The following CDH18 variants were observed in gnomAD, a reference collection of about 807,000 sequenced individuals.
CDH18 encodes cadherin-18.
In CDH18, 31 loss-of-function variants were observed where a neutral mutation model predicts 67.9. The ratio of observed to expected loss-of-function variants is 0.46; its 90% confidence interval spans 0.34 to 0.62. The LOEUF (loss-of-function observed/expected upper bound fraction) is 0.62. Ranked by LOEUF, CDH18 falls within the 20% of genes least tolerant of loss-of-function variation. The pLI is 0.01. For synonymous variants in CDH18, 362 were observed against 347.2 expected, an observed-to-expected ratio of 1.04 and a Z score of -0.48; for missense variants, 890 against 975.5, an observed-to-expected ratio of 0.91 and a Z score of 1.17.
intron 2 of CDH18, among the ~76,000 whole-genome samples, chr5:19,911,205 G>A (rs1227601685): frequency 2.0e-5 from 3 of 152,140 alleles, no homozygotes; most frequent in African/African-American, 7.2e-5. Context: ...CCTGAACAGT[G>A]AGAAGCCATA....
upstream of CDH18, among the ~76,000 whole-genome samples, chr5:19,989,412 T>G (rs551510703): frequency 9.6e-4 from 146 of 152,286 alleles, no homozygotes; most frequent in Middle Eastern, 0.014. Context: ...CAAGAAGACG[T>G]GGATTCAAAT....
At chr5:20,144,517 T>C (rs934159878) in intron 2 of CDH18, among the ~76,000 whole-genome samples, 1 of 152,204 alleles carries the variant, frequency 6.6e-6, no homozygotes, top group Non-Finnish European at 1.5e-5. Flanking sequence ...TGCTTCAGGA[T>C]AAGTCAGAGC....
In CDH18 at chr5:19,995,621, A is replaced by G. The variant is rs1735944980; in HGVS notation, c.-517-3607T>C. On this transcript the variant is annotated intron_variant, in intron 2 of 14. Coordinates refer to the CDH18 transcript ENST00000507958. ...AAGCTTTAAAAAAAAAAAAAAAAAA[A>G]AACTTTAAGCATGCCAAAAGGTCTA... 5.3e-5 allele frequency among the ~76,000 whole-genome samples: 8 copies of G among 150,684 alleles called. No homozygotes were observed. The South Asian group carries it at 1.7e-3, about 31-fold the overall frequency.
chr5:20,031,686 G>A (rs112139649), intron 2 of CDH18, among the ~76,000 whole-genome samples: 4 of 152,010 alleles, frequency 2.6e-5, no homozygotes, highest in Admixed American at 6.6e-5. Flanking sequence ...CAGCAACTCC[G>A]GAGAATCTTC....
At chr5:19,820,930 AT>A (rs1779806500) in intron 3 of CDH18, among the ~76,000 whole-genome samples, 1 of 152,204 alleles carries the variant, frequency 6.6e-6, no homozygotes, top group South Asian at 2.1e-4. Context: ...AGGAAAAAAA[AT>A]AAAAATAAAA....
Position 19,677,761 on chromosome 5 carries a change from A to G in CDH18, c.643+43586T>C, listed in dbSNP as rs532362675. Among the ~76,000 whole-genome samples the G allele has an allele frequency of 3.9e-5, 6 of 152,018 alleles. No individual in the cohort carries two copies. In the South Asian group the frequency reaches 1.2e-3, roughly 31 times the overall value. ...AAACAGAAGGCAGGTGTTAGCAAAGATATTTGAGACCTAATTACTCATATT... is the reference window on the plus strand; with the variant it reads ...AAACAGAAGGCAGGTGTTAGCAAAGGTATTTGAGACCTAATTACTCATATT... On this transcript the variant is annotated intron_variant, in intron 5 of 12. Transcript: ENST00000382275.
chr5:19,481,615 CA>C (rs1401546871), intron 12 of CDH18, among the ~76,000 whole-genome samples: 1 of 152,236 alleles, frequency 6.6e-6, no homozygotes, highest in African/African-American at 2.4e-5. Flanking sequence ...ACTCCTAAAA[CA>C]AAACTCACCA....
intron 2 of CDH18, among the ~76,000 whole-genome samples, chr5:19,853,950 C>T (rs1375944277): frequency 1.3e-5 from 2 of 152,088 alleles, no homozygotes; most frequent in Admixed American, 6.6e-5. Flanking sequence ...AAAACCACTT[C>T]ATAAAAACGG....
At chr5:20,419,470 T>G (rs1460081606) in intron 1 of CDH18, among the ~76,000 whole-genome samples, 1 of 62,816 alleles carries the variant, frequency 1.6e-5, no homozygotes, top group Non-Finnish European at 2.9e-5. Flanking sequence ...CTGTTTTTTT[T>G]TTTTTTTTTT....
intron 2 of CDH18, among the ~76,000 whole-genome samples, chr5:19,931,981 C>T (rs1793745585): frequency 6.6e-6 from 1 of 151,768 alleles, no homozygotes; most frequent in Non-Finnish European, 1.5e-5. Flanking sequence ...AAAGATCACT[C>T]CAACTCCTCA....
At chr5:19,994,736 TATAGAGAGAGAGAGAG>T (rs1359862750) in intron 2 of CDH18, among the ~76,000 whole-genome samples, 60 of 8,930 alleles carry the variant, frequency 6.7e-3, no homozygotes, top group Admixed American at 9.9e-3. Flanking sequence ...TATATATATA[TATAGAGAGAGAGAGAG>T]AGAGAGAGAG....
chr5:20,119,121 T>C (rs1015104762), intron 2 of CDH18, among the ~76,000 whole-genome samples: 5 of 152,164 alleles, frequency 3.3e-5, no homozygotes, highest in South Asian at 2.1e-4. Context: ...TCTACTTTTG[T>C]AGATTTTCTG....
chr5:20,417,695 T>C (rs1479627603), intron 1 of CDH18, among the ~76,000 whole-genome samples: 1 of 152,146 alleles, frequency 6.6e-6, no homozygotes, highest in African/African-American at 2.4e-5. Context: ...ACTGCTTCCT[T>C]TACTCTTCCA....
At chr5:19,801,221 G>T (rs1278557803) in intron 3 of CDH18, among the ~76,000 whole-genome samples, 1 of 152,088 alleles carries the variant, frequency 6.6e-6, no homozygotes, top group African/African-American at 2.4e-5. Context: ...TTTTTTAAAA[G>T]AATATTTTCA....
intron 3 of CDH18, among the ~76,000 whole-genome samples, chr5:19,833,057 T>C (rs1781235269): frequency 6.6e-6 from 1 of 152,164 alleles, no homozygotes; most frequent in Non-Finnish European, 1.5e-5. Flanking sequence ...TCTAATTTTG[T>C]GAAGAATGTC....
chr5:20,129,327 C>T (rs1435984), intron 2 of CDH18, among the ~76,000 whole-genome samples: 117,367 of 151,934 alleles, frequency 0.77, 48,975 homozygotes, highest in Non-Finnish European at 0.92. Flanking sequence ...CTAATTTCTG[C>T]CCCTAGGTTA....
intron 2 of CDH18, among the ~76,000 whole-genome samples, chr5:19,942,887 G>A (rs1487682887): frequency 6.6e-6 from 1 of 152,128 alleles, no homozygotes; most frequent in East Asian, 1.9e-4. Flanking sequence ...CACTGTTAGG[G>A]CTTAATTACT....
intron 2 of CDH18, among the ~76,000 whole-genome samples, chr5:19,939,865 C>T (rs1794649025): frequency 6.6e-6 from 1 of 151,868 alleles, no homozygotes; most frequent in African/African-American, 2.4e-5. Context: ...GGAGACTTTA[C>T]TTAATTTAAA....
intron 1 of CDH18, among the ~76,000 whole-genome samples, chr5:20,349,415 A>G (rs1740978534): frequency 6.6e-6 from 1 of 152,148 alleles, no homozygotes; most frequent in Non-Finnish European, 1.5e-5. Context: ...TTTGCCTCTA[A>G]TCTTCAGAAT....
Sources: allele counts gnomAD v4.1 joint callset (sites outside exome capture counted in the v4.1 genomes callset), GRCh38; gene constraint gnomAD v4.1.1; transcripts MANE v1.5; gene names NCBI Gene and HGNC (gene_info 2026-07-23, HGNC 2026-07-21).